The following FBXO31 variants were observed in gnomAD, a reference collection of about 807,000 sequenced individuals.
FBXO31 encodes the protein F-box protein 31, also known as F-box only protein 31.
In FBXO31, 24 loss-of-function variants were observed where a neutral mutation model predicts 54.4. The observed-to-expected ratio is 0.44, with a 90% confidence interval of 0.32 to 0.62. The LOEUF (loss-of-function observed/expected upper bound fraction) is 0.62. FBXO31 is among the 20% of genes least tolerant of loss of function. FBXO31 has a pLI of 0.05. For missense variants in FBXO31, 665 were observed against 787.1 expected, an observed-to-expected ratio of 0.84 and a Z score of 1.86; for synonymous variants, 388 against 335.6, an observed-to-expected ratio of 1.16 and a Z score of -1.71.
chr16:87,367,167 C>T (rs1231020856), intron 1 of FBXO31: 1 of 152,036 alleles, frequency 6.6e-6, no homozygotes, highest in Non-Finnish European at 1.5e-5. Flanking sequence ...GAGACCCTGT[C>T]TCAAAAAAAT....
rs1040087240 is a variant in FBXO31, at chr16:87,331,040, G to C, written c.*248C>G. On this transcript the variant is annotated 3_prime_UTR_variant, in exon 9 of 9. Coordinates refer to ENST00000311635, the MANE Select transcript of FBXO31 (RefSeq NM_024735.5). ...CCCACGGCTGTCCCCTACATCTGCTGTATTCAGGCTCGTTCTCTCTGTTTT... is the reference window on the plus strand; with the variant it reads ...CCCACGGCTGTCCCCTACATCTGCTCTATTCAGGCTCGTTCTCTCTGTTTT... 3 of 482,752 alleles carry C rather than the reference G, an allele frequency of 6.2e-6. No homozygotes were observed. The highest frequency in any genetic ancestry group is 1.1e-5 in the Non-Finnish European group (3 of 265,384). The allele number at this position is 482,752 out of a possible 1,614,324, so 29.9% of individuals were successfully genotyped here.
chr16:87,383,687 G>T lies in FBXO31; in HGVS notation c.58C>A (p.Gln20Lys), dbSNP rs1298416007. The change falls in exon 1 of 9, where the codon CAG becomes AAG. Residue 20 changes from glutamine to lysine, a missense_variant. Transcript: ENST00000311635. The surrounding 1 kb of genome is among the most constrained non-coding windows in gnomAD (Gnocchi z 4.9). ...VGPSRGCRRR[Q>K]QRRGPAETAA... ...GTCTCGGCCGGGCCCCGGCGCTGCT[G>T]GCGGCGCCGACATCCGCGCGACGGG... 5.5e-6 allele frequency: 7 copies of T among 1,276,932 alleles called. No homozygotes were observed. The Admixed American group carries it at 1.3e-4, about 23-fold the overall frequency. The allele number at this position is 1,276,932 out of a possible 1,614,324, so 79.1% of individuals were successfully genotyped here.
rs949287713 is a variant in FBXO31, at chr16:87,345,330, G to A, written c.490-1565C>T. Among the ~76,000 whole-genome samples, 1 of 150,156 alleles carries A rather than the reference G, an allele frequency of 6.7e-6. No individual in the cohort carries two copies. Among genetic ancestry groups the A allele is most frequent in the Non-Finnish European group, 1.5e-5 (1 of 67,440 alleles). ...TCCAGCAGGAGGGTGCGGGGAGGGC[G>A]GGAGGCAGGGTGGGAGGGAGGGAGG... On this transcript the variant is annotated intron_variant, in intron 3 of 8. Coordinates refer to ENST00000311635, the MANE Select transcript of FBXO31 (RefSeq NM_024735.5). The surrounding 1 kb of genome is among the most constrained non-coding windows in gnomAD (Gnocchi z 4.9).
intron 2 of FBXO31, among the ~76,000 whole-genome samples, chr16:87,354,789 A>G (rs966765455): frequency 2.0e-5 from 3 of 152,086 alleles, no homozygotes; most frequent in Non-Finnish European, 4.4e-5. Context: ...CCAAACTGGC[A>G]AAACCCCGTC....
intron 3 of FBXO31, among the ~76,000 whole-genome samples, chr16:87,344,210 A>C (rs939965860): frequency 6.6e-6 from 1 of 152,272 alleles, no homozygotes; most frequent in Non-Finnish European, 1.5e-5. Flanking sequence ...GAGATGCAGG[A>C]AACACCCCCT....
chr16:87,334,293 A>T lies in FBXO31; in HGVS notation c.997-7T>A. On this transcript the variant is annotated splice_region_variant and splice_polypyrimidine_tract_variant and intron_variant, in intron 7 of 8. Transcript: ENST00000311635. Reference sequence around the variant, plus strand: ...CGGGGATGTTGGGGTCGCCCTGTGGAGCAGGTGGCAGTCAGCAGGGCTCAG... The same window carrying T: ...CGGGGATGTTGGGGTCGCCCTGTGGTGCAGGTGGCAGTCAGCAGGGCTCAG... 6.4e-7 allele frequency: 1 copy of T among 1,558,980 alleles called. No homozygotes were observed. The highest frequency in any genetic ancestry group is 1.2e-5 in the South Asian group (1 of 81,956).
At chr16:87,365,731 T>C (rs1295221834) in intron 1 of FBXO31, among the ~76,000 whole-genome samples, 3 of 152,176 alleles carry the variant, frequency 2.0e-5, no homozygotes, top group Non-Finnish European at 2.9e-5. Context: ...GAAACAACTG[T>C]ATGAAAAACG....
At chr16:87,382,298 CAG>C (rs1349916137) in intron 1 of FBXO31, among the ~76,000 whole-genome samples, 2 of 152,164 alleles carry the variant, frequency 1.3e-5, no homozygotes, top group African/African-American at 4.8e-5. Flanking sequence ...ACACACGACT[CAG>C]AGGTTTTTTA....
At chr16:87,340,739 C>G (rs1239367706) in intron 5 of FBXO31, among the ~76,000 whole-genome samples, 1 of 152,164 alleles carries the variant, frequency 6.6e-6, no homozygotes, top group Non-Finnish European at 1.5e-5. Flanking sequence ...GGTAAGATCA[C>G]TCGAGCCAGG....
chr16:87,379,569 G>T (rs532951744), intron 1 of FBXO31, among the ~76,000 whole-genome samples: 4 of 152,266 alleles, frequency 2.6e-5, no homozygotes, highest in African/African-American at 9.6e-5. Flanking sequence ...AGCAGCTCCA[G>T]CTTCTCAGGG....
At chr16:87,367,861 C>G (rs1906435024) in intron 1 of FBXO31, 1 of 152,218 alleles carries the variant, frequency 6.6e-6, no homozygotes, top group Non-Finnish European at 1.5e-5. Flanking sequence ...AATACTGTTC[C>G]TGAGGCAGTT....
chr16:87,355,316 A>G (rs1905844044), intron 2 of FBXO31, among the ~76,000 whole-genome samples: 1 of 152,242 alleles, frequency 6.6e-6, no homozygotes, highest in Non-Finnish European at 1.5e-5. Flanking sequence ...AATACTCAGA[A>G]GCCAATCAGG....
At chr16:87,383,883 G>T, upstream of FBXO31, 1 of 566,112 alleles carries the variant, frequency 1.8e-6, no homozygotes, top group Non-Finnish European at 2.4e-6. This position sits in a 1 kb window ranked among gnomAD's most constrained non-coding sequence, Gnocchi z 4.9. Flanking sequence ...GTAGAGCTCC[G>T]CCCCGGCCGC....
rs1470276744 is a variant in FBXO31, at chr16:87,345,154, G to A, written c.490-1389C>T. On this transcript the variant is annotated intron_variant, in intron 3 of 8. Transcript: ENST00000311635. This position sits in a 1 kb window ranked among gnomAD's most constrained non-coding sequence, Gnocchi z 4.9. ...CCCGCCCTCGCTGGGCTCAGCCCCT[G>A]GTCCCACAAAAGGGAGCGGAGCACA... Among the ~76,000 whole-genome samples the A allele has an allele frequency of 6.6e-6, 1 of 152,154 alleles. No homozygotes were observed. The highest frequency in any genetic ancestry group is 1.5e-5 in the Non-Finnish European group (1 of 68,030).
Position 87,379,495 on chromosome 16 carries a change from T to C in FBXO31, c.340+3910A>G, listed in dbSNP as rs963470287. ...TTCCCTGAAAGGGGAACAATAAATG[T>C]TAATTACCTGCAGGTTGTGTTTGCC... On this transcript the variant is annotated intron_variant, in intron 1 of 8. Transcript: ENST00000311635. Among the ~76,000 whole-genome samples the C allele has an allele frequency of 2.6e-5, 4 of 152,178 alleles. No homozygotes were observed. The East Asian group carries it at 7.7e-4, about 29-fold the overall frequency.
intron 1 of FBXO31, among the ~76,000 whole-genome samples, chr16:87,380,869 A>G (rs1274688771): frequency 6.6e-6 from 1 of 152,214 alleles, no homozygotes; most frequent in African/African-American, 2.4e-5. Flanking sequence ...AATTCTAAGA[A>G]TTTATTCTGA....
chr16:87,387,492 G>C (rs894885229), upstream of FBXO31, among the ~76,000 whole-genome samples: 2 of 152,180 alleles, frequency 1.3e-5, no homozygotes, highest in Non-Finnish European at 2.9e-5. Flanking sequence ...AAGGTCACAA[G>C]TAGTATTTCT....
intron 1 of FBXO31, among the ~76,000 whole-genome samples, chr16:87,362,895 T>C (rs990895151): frequency 6.6e-6 from 1 of 152,230 alleles, no homozygotes; most frequent in Admixed American, 6.5e-5. Context: ...TTTGTCCTTA[T>C]GACCAGGGGA....
intron 2 of FBXO31, 143 bp from the exon 3 acceptor site, chr16:87,347,393 T>C: frequency 1.4e-6 from 1 of 725,940 alleles, no homozygotes; most frequent in Non-Finnish European, 2.5e-6. Context: ...ACCAAGCCTC[T>C]AAAGATGTAT....
Sources: gnomAD v4.1 joint callset for allele counts (sites outside exome capture counted in the v4.1 genomes callset) on GRCh38, gnomAD v4.1.1 for gene constraint, Gnocchi (gnomAD v3.1) non-coding constraint, MANE v1.5 for transcripts, NCBI Gene and HGNC (gene_info 2026-07-23, HGNC 2026-07-21) for gene names.